NEBL: variants seen among roughly 807,000 people sequenced by gnomAD.
NEBL encodes the protein nebulette, also known as LIM and SH3 protein 2.
NEBL carries 122 observed loss-of-function variants against 140.2 expected under a neutral mutation model. That is an observed-to-expected ratio of 0.87 (90% CI 0.75 to 1.01). The LOEUF is 1.01. Ranked by LOEUF, NEBL falls within the 50% of genes least tolerant of loss-of-function variation. The probability of loss-of-function intolerance (pLI) is 0.00; values close to 1 mark genes in which losing one functional copy is unlikely to be tolerated. For missense variants in NEBL, 1,365 were observed against 1,231.3 expected (o/e 1.11, Z -1.62); for synonymous variants, 436 against 398.9 (o/e 1.09, Z -1.11).
chr10:20,881,282 A>G (rs1179661877), intron 4 of NEBL, among the ~76,000 whole-genome samples: 1 of 152,248 alleles, frequency 6.6e-6, no homozygotes, highest in East Asian at 1.9e-4. Flanking sequence ...ATTTGAAAGT[A>G]AATTGTTTTC....
chr10:21,077,895 C>T (rs1836176617), intron 2 of NEBL, among the ~76,000 whole-genome samples: 2 of 152,156 alleles, frequency 1.3e-5, no homozygotes, highest in Admixed American at 1.3e-4. Flanking sequence ...CCACACTATT[C>T]ATGACCACGA....
chr10:21,087,873 T>C (rs994387084), intron 2 of NEBL, among the ~76,000 whole-genome samples: 1 of 152,202 alleles, frequency 6.6e-6, no homozygotes, highest in Admixed American at 6.5e-5. Flanking sequence ...AAAATGGACA[T>C]GTAAAATGAA....
intron 1 of NEBL, among the ~76,000 whole-genome samples, chr10:21,278,387 T>C (rs1409564848): frequency 6.6e-6 from 1 of 152,184 alleles, no homozygotes; most frequent in Non-Finnish European, 1.5e-5. Context: ...GAGGCTTCAG[T>C]GAGCTATGAT....
chr10:20,845,794 C>A (rs1277965367), intron 11 of NEBL, among the ~76,000 whole-genome samples: 1 of 152,134 alleles, frequency 6.6e-6, no homozygotes, highest in Non-Finnish European at 1.5e-5. Flanking sequence ...ATGTTCATGT[C>A]CCCATCATCC....
At chr10:20,904,263 T>C (rs1220457962) in intron 4 of NEBL, among the ~76,000 whole-genome samples, 1 of 152,212 alleles carries the variant, frequency 6.6e-6, no homozygotes, top group East Asian at 1.9e-4. Context: ...AGACCCTTTT[T>C]GCACCTATTT....
At chr10:21,115,686 T>A (rs1233031829) in intron 2 of NEBL, among the ~76,000 whole-genome samples, 2 of 152,066 alleles carry the variant, frequency 1.3e-5, no homozygotes, top group East Asian at 3.9e-4. Flanking sequence ...CTTGGTGTAG[T>A]TTTTTTCACT....
intron 2 of NEBL, among the ~76,000 whole-genome samples, chr10:21,168,236 G>A (rs143355982): frequency 4.6e-5 from 7 of 152,278 alleles, no homozygotes; most frequent in African/African-American, 9.6e-5. Flanking sequence ...CTCAGGTAGC[G>A]ATTAAAATGA....
intron 17 of NEBL, among the ~76,000 whole-genome samples, chr10:20,827,505 T>C (rs1382658460): frequency 6.6e-6 from 1 of 152,240 alleles, no homozygotes; most frequent in Non-Finnish European, 1.5e-5. Flanking sequence ...ATGAGATGCT[T>C]CCTTAACTAT....
At chr10:21,284,994 T>G (rs369797411) in intron 1 of NEBL, among the ~76,000 whole-genome samples, 83 of 152,190 alleles carry the variant, frequency 5.5e-4, no homozygotes, top group African/African-American at 2.0e-3. Context: ...GCCCAGGAAT[T>G]TGAGGCTACA....
chr10:21,179,129 T>C (rs1294295762), upstream of NEBL, among the ~76,000 whole-genome samples: 1 of 152,060 alleles, frequency 6.6e-6, no homozygotes, highest in African/African-American at 2.4e-5. Context: ...ATAAAATTAA[T>C]CAGGGAAGAA....
intron 3 of NEBL, among the ~76,000 whole-genome samples, chr10:21,194,121 T>TG (rs944642176): frequency 6.6e-6 from 1 of 152,028 alleles, no homozygotes; most frequent in Non-Finnish European, 1.5e-5. Flanking sequence ...ACTATAGGCA[T>TG]GCACCACCAT....
intron 2 of NEBL, among the ~76,000 whole-genome samples, chr10:21,135,615 TC>T (rs2132081003): frequency 6.6e-6 from 1 of 152,102 alleles, no homozygotes; most frequent in East Asian, 1.9e-4. Context: ...AAGAAACAGC[TC>T]CTATGGGTGC....
chr10:20,808,306 G>A lies in NEBL; in HGVS notation c.2761+204C>T, dbSNP rs558720616. Reference sequence around the variant, plus strand: ...GCGATAATAGTGAAGTAAGACGGGGGGAAAATAACATGCAAAAATGCAAAT... The same window carrying A: ...GCGATAATAGTGAAGTAAGACGGGGAGAAAATAACATGCAAAAATGCAAAT... On this transcript the variant is annotated intron_variant, in intron 26 of 27. Coordinates refer to ENST00000377122, the MANE Select transcript of NEBL (RefSeq NM_006393.3). 1.4e-4 allele frequency among the ~76,000 whole-genome samples: 21 copies of A among 151,368 alleles called. 1 individual carries two copies. Among genetic ancestry groups the A allele is most frequent in the Non-Finnish European group, 2.9e-4 (20 of 67,924 alleles).
In NEBL at chr10:21,100,474, A is replaced by T. The variant is rs116244125; in HGVS notation, c.164+71909T>A. ...GCAACACTTTTGCACCCTGTGTAAA[A>T]GATAAAGAGTGCAAAGCATGGCTCT... On this transcript the variant is annotated intron_variant, in intron 2 of 6. Coordinates refer to the NEBL transcript ENST00000417816. 6.7e-3 allele frequency among the ~76,000 whole-genome samples: 1,015 copies of T among 152,334 alleles called. 11 individuals carry two copies. The highest frequency in any genetic ancestry group is 0.022 in the African/African-American group (933 of 41,574).
chr10:21,178,170 A>T (rs545362331), upstream of NEBL, among the ~76,000 whole-genome samples: 5 of 152,378 alleles, frequency 3.3e-5, no homozygotes, highest in South Asian at 1.0e-3. Context: ...TGCCATTATA[A>T]TATTTCTGCA....
rs528549313 is a variant in NEBL, at chr10:21,190,828, G to A, written n.349-18351C>T. ...CTAATTTAACCAGCAAGTACATAAA[G>A]CTATGTAATAGATTTGTCCTTTTTA... On this transcript the variant is annotated intron_variant and non_coding_transcript_variant, in intron 3 of 8. Transcript: ENST00000675702. Among the ~76,000 whole-genome samples the A allele has an allele frequency of 3.3e-5, 5 of 152,292 alleles. No individual in the cohort carries two copies. In the East Asian group the frequency reaches 7.7e-4, roughly 24 times the overall value.
At chr10:20,969,595 G>C (rs1000365806) in intron 3 of NEBL, among the ~76,000 whole-genome samples, 1 of 143,216 alleles carries the variant, frequency 7.0e-6, no homozygotes, top group Admixed American at 7.2e-5. Context: ...ACCCAGGTTG[G>C]AGTGCAGTGG....
rs1369751910 is a variant in NEBL, at chr10:20,783,298, T to C, written c.*2449A>G. 1 of 152,190 alleles carries C rather than the reference T, an allele frequency of 6.6e-6. No individual in the cohort carries two copies. Among genetic ancestry groups the C allele is most frequent in the Non-Finnish European group, 1.5e-5 (1 of 68,032 alleles). The allele number at this position is 152,190 out of a possible 1,614,324, so 9.4% of individuals were successfully genotyped here. On this transcript the variant is annotated 3_prime_UTR_variant, in exon 28 of 28. Coordinates refer to ENST00000377122, the MANE Select transcript of NEBL (RefSeq NM_006393.3). ...ATTAACAACTGCCAACACTACCAAA[T>C]TATGGCCTCAAGAGCATGCAACATC...
chr10:21,095,563 G>T (rs183998936), intron 2 of NEBL, among the ~76,000 whole-genome samples: 6 of 152,238 alleles, frequency 3.9e-5, no homozygotes, highest in African/African-American at 1.4e-4. Flanking sequence ...GAAGCTAATC[G>T]GATTATTTAG....
Sources: gnomAD v4.1 joint callset for allele counts (sites outside exome capture counted in the v4.1 genomes callset) on GRCh38, gnomAD v4.1.1 for gene constraint, MANE v1.5 for transcripts, NCBI Gene and HGNC (gene_info 2026-07-23, HGNC 2026-07-21) for gene names.